TNPO1: variants seen among roughly 807,000 people sequenced by gnomAD.
TNPO1 encodes transportin-1.
A neutral mutation model predicts 119.5 loss-of-function variants in TNPO1; 8 were observed. The observed-to-expected ratio is 0.07, with a 90% CI of 0.04 to 0.12. The LOEUF (loss-of-function observed/expected upper bound fraction) is 0.12. Among genes scored for constraint, TNPO1 ranks in the 10% least tolerant of loss-of-function variants. The probability of loss-of-function intolerance (pLI) is 1.00; values close to 1 mark genes in which losing one functional copy is unlikely to be tolerated. For missense variants in TNPO1, 576 were observed against 1,089.8 expected (o/e 0.53, Z 6.64); for synonymous variants, 362 against 363.0 (o/e 1.00, Z 0.03).
intron 22 of TNPO1, among the ~76,000 whole-genome samples, chr5:72,902,877 A>G (rs1247480166): frequency 6.6e-6 from 1 of 152,202 alleles, no homozygotes; most frequent in Non-Finnish European, 1.5e-5. Context: ...ATTTGAATAA[A>G]TTGTGTTAAG....
At chr5:72,881,699 G>A (rs1057187967) in intron 9 of TNPO1, among the ~76,000 whole-genome samples, 5 of 152,100 alleles carry the variant, frequency 3.3e-5, no homozygotes, top group African/African-American at 1.2e-4. Flanking sequence ...ACTTAGGCTC[G>A]TAAAGAAAGC....
rs140850551 is a variant in TNPO1, at chr5:72,904,062, T to A, written c.2589+279T>A. 5.0e-3 allele frequency among the ~76,000 whole-genome samples: 764 copies of A among 152,272 alleles called. 5 individuals are homozygous for A. Among genetic ancestry groups the A allele is most frequent in the Middle Eastern group, 0.024 (7 of 294 alleles). ...TTCCATTTAAGGAAAATAGTATATG[T>A]TTTTCAAGATGGAAATGGAGACTTG... is the stretch of plus-strand genomic sequence containing the variant. On this transcript the variant is annotated intron_variant, in intron 23 of 24. Coordinates refer to ENST00000337273, the MANE Select transcript of TNPO1 (RefSeq NM_002270.4).
intron 1 of TNPO1, among the ~76,000 whole-genome samples, chr5:72,833,328 C>T (rs1744560400): frequency 1.3e-5 from 2 of 152,086 alleles, no homozygotes; most frequent in South Asian, 4.1e-4. Flanking sequence ...TTAGGGAGTT[C>T]GTCCACCTCT....
At chr5:72,906,511 C>T (rs1045601181) in intron 24 of TNPO1, among the ~76,000 whole-genome samples, 6 of 151,906 alleles carry the variant, frequency 3.9e-5, no homozygotes, top group East Asian at 3.9e-4. Flanking sequence ...GGGCTGGTCT[C>T]GAACTCCTGA....
chr5:72,891,902 C>T lies in TNPO1; in HGVS notation c.1788+6C>T, dbSNP rs1561351670. On this transcript the variant is annotated splice_donor_region_variant and intron_variant, in intron 15 of 24. Coordinates refer to ENST00000337273, the MANE Select transcript of TNPO1 (RefSeq NM_002270.4). Reference sequence around the variant, plus strand: ...ATCTCTTCCCTTTACTTGAGGTATGCAGGGCTAGTAATATTTAATCTGTTG... The same window carrying T: ...ATCTCTTCCCTTTACTTGAGGTATGTAGGGCTAGTAATATTTAATCTGTTG... 2.5e-6 allele frequency: 4 copies of T among 1,603,080 alleles called. No individual in the cohort carries two copies. The highest frequency in any genetic ancestry group is 3.4e-6 in the Non-Finnish European group (4 of 1,173,354).
chr5:72,856,025 A>G (rs972235926), intron 4 of TNPO1, 102 bp downstream of exon 4: 1 of 1,273,676 alleles, frequency 7.9e-7, no homozygotes, highest in African/African-American at 1.5e-5. Flanking sequence ...TTCATGTTAA[A>G]TTGTGTTGGG....
At chr5:72,824,775 C>T (rs2112169607) in intron 1 of TNPO1, among the ~76,000 whole-genome samples, 1 of 150,248 alleles carries the variant, frequency 6.7e-6, no homozygotes, top group Admixed American at 6.6e-5. Flanking sequence ...TAAATATCAA[C>T]AATACCCAAA....
intron 11 of TNPO1, 110 bp from the exon 12 acceptor site, chr5:72,886,960 T>G (rs1030217432): frequency 5.4e-5 from 55 of 1,021,026 alleles, no homozygotes; most frequent in Non-Finnish European, 7.0e-5. Context: ...AATTGAATTC[T>G]TATTTTAAAA....
At chr5:72,891,613 G>A (rs966167409) in intron 14 of TNPO1, among the ~76,000 whole-genome samples, 197 bp from the exon 15 acceptor site, 2 of 152,060 alleles carry the variant, frequency 1.3e-5, no homozygotes, top group African/African-American at 2.4e-5. Flanking sequence ...ACTAGAACAC[G>A]GTCATGTAAG....
intron 1 of TNPO1, among the ~76,000 whole-genome samples, chr5:72,836,356 C>T (rs1201414782): frequency 6.6e-6 from 1 of 152,184 alleles, no homozygotes; most frequent in African/African-American, 2.4e-5. Flanking sequence ...TGTGCACCTG[C>T]AGAGTTAGCA....
chr5:72,852,906 T>C (rs546999896), intron 3 of TNPO1, among the ~76,000 whole-genome samples: 3 of 152,234 alleles, frequency 2.0e-5, no homozygotes, highest in Non-Finnish European at 4.4e-5. Context: ...CTTCTTAATA[T>C]AGAAATTTTT....
intron 1 of TNPO1, among the ~76,000 whole-genome samples, chr5:72,838,593 C>T (rs1744791178): frequency 6.6e-6 from 1 of 152,098 alleles, no homozygotes; most frequent in Admixed American, 6.5e-5. Flanking sequence ...TCCTGGTGCT[C>T]ATATTTTGTC....
intron 22 of TNPO1, 43 bp from the exon 23 acceptor site, chr5:72,903,666 C>A: frequency 1.5e-6 from 2 of 1,357,774 alleles, no homozygotes; most frequent in Non-Finnish European, 2.1e-6. Flanking sequence ...CTGAGTTTGA[C>A]AAATACAATA....
At chr5:72,836,968 A>G (rs1431012909) in intron 1 of TNPO1, among the ~76,000 whole-genome samples, 1 of 152,134 alleles carries the variant, frequency 6.6e-6, no homozygotes, top group African/African-American at 2.4e-5. Flanking sequence ...CTGTATTTCT[A>G]CCAGTACAGA....
chr5:72,816,781 A>G, intron 1 of TNPO1, 29 bp downstream of exon 1: 1 of 1,579,000 alleles, frequency 6.3e-7, no homozygotes, highest in Non-Finnish European at 8.6e-7. Flanking sequence ...CGCGGCCCCG[A>G]ACTGCAGGGG....
At chr5:72,880,566 G>T (rs1748164161) in intron 9 of TNPO1, among the ~76,000 whole-genome samples, 1 of 152,166 alleles carries the variant, frequency 6.6e-6, no homozygotes, top group Admixed American at 6.5e-5. Context: ...TGTAATCCCA[G>T]CACTTTGGGA....
rs61749606 is a variant in TNPO1 at position 72,896,531 on chromosome 5, A to G, written c.2217A>G (p.Ala739=). ...FISVCNNATW[A]IGEISIQMGI... Reference sequence around the variant, plus strand: ...CAGTCTGCAACAATGCCACATGGGCAATTGGAGAAATCTCCATTCAAATGG... The same window carrying G: ...CAGTCTGCAACAATGCCACATGGGCGATTGGAGAAATCTCCATTCAAATGG... Residue 739 remains alanine (A), a synonymous_variant, in exon 19 of 25, where the codon GCA becomes GCG. Coordinates refer to ENST00000337273, the MANE Select transcript of TNPO1 (RefSeq NM_002270.4). The G allele has an allele frequency of 9.4e-3, 15,124 of 1,611,636 alleles. 96 individuals carry two copies. Among genetic ancestry groups the G allele is most frequent in the South Asian group, 0.017 (1,534 of 90,942 alleles).
intron 3 of TNPO1, among the ~76,000 whole-genome samples, chr5:72,851,781 A>G (rs757536759): frequency 1.3e-5 from 2 of 152,244 alleles, no homozygotes; most frequent in Non-Finnish European, 2.9e-5. Context: ...GGTGTGAGCC[A>G]CTGTGCCCAG....
At chr5:72,818,683 A>G (rs962258665) in intron 1 of TNPO1, among the ~76,000 whole-genome samples, 1 of 152,174 alleles carries the variant, frequency 6.6e-6, no homozygotes, top group Non-Finnish European at 1.5e-5. Flanking sequence ...ATAAATTGTG[A>G]TATTTTTTCC....
Sources: gnomAD v4.1 joint callset for allele counts (sites outside exome capture counted in the v4.1 genomes callset) on GRCh38, gnomAD v4.1.1 for gene constraint, MANE v1.5 for transcripts, NCBI Gene and HGNC (gene_info 2026-07-23, HGNC 2026-07-21) for gene names.